The following DLGAP2 variants were observed in gnomAD, a reference collection of about 807,000 sequenced individuals.
DLGAP2 encodes disks large-associated protein 2.
In DLGAP2, 26 loss-of-function variants were observed where a neutral mutation model predicts 100.3. The ratio of observed to expected loss-of-function variants is 0.26; its 90% CI spans 0.19 to 0.36. DLGAP2 has a LOEUF of 0.36. Among genes scored for constraint, DLGAP2 ranks in the 10% least tolerant of loss-of-function variants. The pLI, the probability that DLGAP2 is intolerant of heterozygous loss-of-function variation, is 1.00. For missense variants in DLGAP2, 1,858 were observed against 1,453.2 expected, an observed-to-expected ratio of 1.28 and a Z score of -4.53; for synonymous variants, 886 against 630.1, an observed-to-expected ratio of 1.41 and a Z score of -6.08.
In DLGAP2 at chr8:1,503,174, A is replaced by G. The variant is rs756372937; in HGVS notation, c.172+1743A>G. The stretch of plus-strand genomic sequence containing the variant: ...TTTTTCATCTTAGCCCTTTGTAAGT[A>G]AGTTCAACAGCATTAAATGCATTCA... On this transcript the variant is annotated intron_variant, in intron 4 of 14. Coordinates refer to ENST00000637795, the MANE Select transcript of DLGAP2 (RefSeq NM_001346810.2). 4.1e-4 allele frequency among the ~76,000 whole-genome samples: 62 copies of G among 152,100 alleles called. 2 individuals are homozygous for G. Among genetic ancestry groups the G allele is most frequent in the Admixed American group, 2.1e-3 (32 of 15,268 alleles).
Position 1,707,379 on chromosome 8 carries a change from C to G in DLGAP2, c.*5973C>G, listed in dbSNP as rs1799735911. On this transcript the variant is annotated 3_prime_UTR_variant, in exon 15 of 15. Transcript: ENST00000637795. ...GACGCTCCCAGCTTGATCGTGGTAC[C>G]TTATGGAAGCCACTCACGCATTCTC... 1 of 152,216 alleles carries G rather than the reference C, an allele frequency of 6.6e-6. No homozygotes were observed. Among genetic ancestry groups the G allele is most frequent in the Non-Finnish European group, 1.5e-5 (1 of 68,072 alleles). 9.4% of individuals were successfully genotyped at this position (152,216 alleles called of 1,614,324 possible).
intron 3 of DLGAP2, among the ~76,000 whole-genome samples, chr8:1,337,284 T>C (rs1171062554): frequency 3.0e-5 from 3 of 98,914 alleles, no homozygotes; most frequent in African/African-American, 4.3e-5. Context: ...ATGGTGGTGG[T>C]GGCGATGGTG....
intron 3 of DLGAP2, among the ~76,000 whole-genome samples, chr8:1,463,451 C>G (rs1162107125): frequency 6.6e-6 from 1 of 152,214 alleles, no homozygotes; most frequent in Non-Finnish European, 1.5e-5. Context: ...CCATGCTCCC[C>G]AGGAACTCCC....
intron 2 of DLGAP2, among the ~76,000 whole-genome samples, chr8:1,162,883 G>A (rs542119798): frequency 5.9e-5 from 9 of 152,342 alleles, no homozygotes; most frequent in African/African-American, 1.7e-4. Flanking sequence ...ACCAGAAGAG[G>A]GTGCTGGGCT....
chr8:801,964 ACGG>A (rs1796163395), intron 1 of DLGAP2, among the ~76,000 whole-genome samples: 3 of 151,232 alleles, frequency 2.0e-5, no homozygotes, highest in Non-Finnish European at 4.4e-5. Context: ...GGCCTGGGGA[ACGG>A]TCTGCACCCC....
At chr8:1,660,077 G>T (rs1798374672) in intron 8 of DLGAP2, among the ~76,000 whole-genome samples, 1 of 152,208 alleles carries the variant, frequency 6.6e-6, no homozygotes, top group Admixed American at 6.5e-5. Context: ...TGTCTGTAAA[G>T]GATTTTATTT....
At chr8:1,134,343 A>G (rs1462486794) in intron 2 of DLGAP2, among the ~76,000 whole-genome samples, 5 of 152,152 alleles carry the variant, frequency 3.3e-5, no homozygotes, top group African/African-American at 1.2e-4. Context: ...CTTTGGGTTT[A>G]TACCCAGTCA....
intron 3 of DLGAP2, among the ~76,000 whole-genome samples, chr8:1,335,516 G>A (rs1801254124): frequency 6.6e-6 from 1 of 152,142 alleles, no homozygotes. Flanking sequence ...GGACATGATG[G>A]CCCAGAAAGA....
At chr8:860,187 T>C (rs1797362862) in intron 1 of DLGAP2, among the ~76,000 whole-genome samples, 1 of 152,232 alleles carries the variant, frequency 6.6e-6, no homozygotes, top group Non-Finnish European at 1.5e-5. Flanking sequence ...TGTGGTAGCC[T>C]TACAGACGGC....
chr8:1,387,606 G>A (rs1796250617), intron 3 of DLGAP2, among the ~76,000 whole-genome samples: 2 of 152,204 alleles, frequency 1.3e-5, no homozygotes, highest in Admixed American at 1.3e-4. Context: ...TTTCGTGTAT[G>A]TTCTACCCCA....
Position 1,040,547 on chromosome 8 carries a change from G to T in DLGAP2, c.73+132581G>T, listed in dbSNP as rs367920185. Among the ~76,000 whole-genome samples, 52 of 146,126 alleles carry T rather than the reference G, an allele frequency of 3.6e-4. 1 individual carries two copies. Among genetic ancestry groups the T allele is most frequent in the Middle Eastern group, 3.6e-3 (1 of 274 alleles). ...TTCCGTGGTCGGCTCGGTGTGCGTG[G>T]TCGGCTCGGTGCGTGTGGTCGGCTC... On this transcript the variant is annotated intron_variant, in intron 2 of 14. Coordinates refer to ENST00000637795, the MANE Select transcript of DLGAP2 (RefSeq NM_001346810.2).
intron 2 of DLGAP2, among the ~76,000 whole-genome samples, chr8:1,042,588 T>C (rs1453089796): frequency 2.6e-5 from 4 of 152,134 alleles, no homozygotes; most frequent in Admixed American, 6.5e-5. Context: ...GCATGTGAGG[T>C]CACAGACCAG....
At chr8:1,571,289 G>A (rs1468297769) in intron 6 of DLGAP2, among the ~76,000 whole-genome samples, 1 of 141,534 alleles carries the variant, frequency 7.1e-6, no homozygotes, top group African/African-American at 2.7e-5. Flanking sequence ...GGATGGAGAG[G>A]AGAGAGGTGA....
chr8:997,825 C>G (rs955103680), intron 2 of DLGAP2, among the ~76,000 whole-genome samples: 6 of 152,162 alleles, frequency 3.9e-5, no homozygotes, highest in African/African-American at 1.2e-4. Flanking sequence ...TGCATACATA[C>G]AAACACGCAT....
chr8:1,076,252 A>G (rs943465712), intron 2 of DLGAP2, among the ~76,000 whole-genome samples: 10 of 152,166 alleles, frequency 6.6e-5, no homozygotes, highest in Admixed American at 4.6e-4. Context: ...GAATGAGCCT[A>G]TACCGCGTGC....
intron 1 of DLGAP2, among the ~76,000 whole-genome samples, chr8:830,403 T>G (rs986771187): frequency 1.3e-5 from 2 of 152,200 alleles, no homozygotes; most frequent in African/African-American, 4.8e-5. Flanking sequence ...TTATTCATTC[T>G]TTCCATTTTT....
chr8:1,693,993 A>G (rs960728620), intron 13 of DLGAP2, among the ~76,000 whole-genome samples: 1 of 152,184 alleles, frequency 6.6e-6, no homozygotes, highest in East Asian at 1.9e-4. Flanking sequence ...CACTGTCTTT[A>G]GGAATGCTCA....
chr8:1,409,084 C>T (rs945506511), intron 3 of DLGAP2, among the ~76,000 whole-genome samples: 3 of 151,366 alleles, frequency 2.0e-5, no homozygotes, highest in South Asian at 2.1e-4. Context: ...AGCAGGCGCC[C>T]GGCTCCCCTT....
chr8:946,494 A>G (rs544530112), intron 2 of DLGAP2, among the ~76,000 whole-genome samples: 1 of 151,900 alleles, frequency 6.6e-6, no homozygotes, highest in South Asian at 2.1e-4. Flanking sequence ...CGATCTCCTG[A>G]CCTTGTGATC....
Sources: allele counts gnomAD v4.1 joint callset (sites outside exome capture counted in the v4.1 genomes callset), GRCh38; gene constraint gnomAD v4.1.1; transcripts MANE v1.5; gene names NCBI Gene and HGNC (gene_info 2026-07-23, HGNC 2026-07-21).